Variants in KIF1A observed in about 807,000 individuals in gnomAD.
KIF1A encodes the protein kinesin family member 1A, also known as kinesin-like protein KIF1A.
A neutral mutation model predicts 227.3 loss-of-function variants in KIF1A; 46 were observed. That is an observed-to-expected ratio of 0.20 (90% CI 0.16 to 0.26). The LOEUF is 0.26. Among genes scored for constraint, KIF1A ranks in the 10% least tolerant of loss-of-function variants. The probability of loss-of-function intolerance (pLI) is 1.00; values close to 1 mark genes in which losing one functional copy is unlikely to be tolerated. For synonymous variants in KIF1A, 1,022 were observed against 1,012.8 expected (o/e 1.01, Z -0.17); for missense variants, 1,683 against 2,485.9 (o/e 0.68, Z 6.87).
intron 16 of KIF1A, 141 bp from the exon 17 acceptor site, chr2:240,769,349 G>GT: frequency 1.4e-6 from 1 of 717,538 alleles, no homozygotes; most frequent in Non-Finnish European, 2.3e-6. Flanking sequence ...TGGTCACTGG[G>GT]TTAGGGCATC....
At chr2:240,804,132 G>C (rs1307958114) in intron 1 of KIF1A, among the ~76,000 whole-genome samples, 12 of 152,132 alleles carry the variant, frequency 7.9e-5, no homozygotes, top group South Asian at 6.2e-4. Flanking sequence ...TGGGTGTGGT[G>C]GTGGGCACCT....
At chr2:240,800,962 G>A (rs1014865520) in intron 1 of KIF1A, among the ~76,000 whole-genome samples, 2 of 151,640 alleles carry the variant, frequency 1.3e-5, no homozygotes, top group African/African-American at 2.4e-5. Flanking sequence ...GGCTGCCTGG[G>A]AGAGAAAATG....
At chr2:240,777,482 C>T (rs1367176449) in intron 10 of KIF1A, among the ~76,000 whole-genome samples, 1 of 152,162 alleles carries the variant, frequency 6.6e-6, no homozygotes, top group Admixed American at 6.5e-5. Context: ...TTTCCTGCTC[C>T]CTCACCGCCT....
At chr2:240,720,084 G>A (rs896037900) in intron 45 of KIF1A, 158 bp from the exon 46 acceptor site, 50 of 607,410 alleles carry the variant, frequency 8.2e-5, no homozygotes, top group Non-Finnish European at 1.0e-4. Context: ...CCCGGGGCCC[G>A]TCCACCAGGA....
rs576969155 is a variant in KIF1A at position 240,812,102 on chromosome 2, G to A, written c.-61+8020C>T. Among the ~76,000 whole-genome samples, 224 of 152,332 alleles carry A rather than the reference G, an allele frequency of 1.5e-3. 1 individual carries two copies. The highest frequency in any genetic ancestry group is 3.8e-3 in the African/African-American group (157 of 41,576). On this transcript the variant is annotated intron_variant, in intron 1 of 48. Coordinates refer to ENST00000498729, the MANE Select transcript of KIF1A (RefSeq NM_001244008.2). ...AATGCATGCAGAAAACCCACTGGGC[G>A]CACCGGGCCACGCCCCGCAAGTCAC... is the stretch of plus-strand genomic sequence containing the variant.
chr2:240,779,941 C>T (rs2053405776), intron 10 of KIF1A, among the ~76,000 whole-genome samples: 1 of 152,166 alleles, frequency 6.6e-6, no homozygotes, highest in East Asian at 1.9e-4. Context: ...TTTCAAACAG[C>T]TCTCCACAGC....
At chr2:240,770,625 A>G (rs2051828485) in intron 15 of KIF1A, among the ~76,000 whole-genome samples, 1 of 152,214 alleles carries the variant, frequency 6.6e-6, no homozygotes, top group Non-Finnish European at 1.5e-5. Context: ...AGTCCTGGAC[A>G]TTCATTCTTG....
At chr2:240,819,319 G>A (rs972097280) in intron 1 of KIF1A, among the ~76,000 whole-genome samples, 24 of 152,184 alleles carry the variant, frequency 1.6e-4, no homozygotes, top group African/African-American at 5.8e-4. Flanking sequence ...CTGCGGCCCC[G>A]CAGCCCCTCC....
At position 240,790,852 on chromosome 2, in the gene KIF1A, C is replaced by G. The variant is rs1425459699; in HGVS notation, c.107-1540G>C. Among the ~76,000 whole-genome samples, 2 of 152,158 alleles carry G rather than the reference C, an allele frequency of 1.3e-5. No individual in the cohort carries two copies. Among genetic ancestry groups the G allele is most frequent in the Non-Finnish European group, 2.9e-5 (2 of 68,028 alleles). ...CCTCATGGCTCAGGAGCAGCCACCT[C>G]TGCCACCACCTTGATCTCAGACTTC... is the stretch of plus-strand genomic sequence containing the variant. On this transcript the variant is annotated intron_variant, in intron 2 of 48. Coordinates refer to ENST00000498729, the MANE Select transcript of KIF1A (RefSeq NM_001244008.2). The surrounding 1 kb of genome is among the most constrained non-coding windows in gnomAD (Gnocchi z 5.0).
At chr2:240,799,589 G>T (rs772747308) in intron 1 of KIF1A, among the ~76,000 whole-genome samples, 1 of 152,208 alleles carries the variant, frequency 6.6e-6, no homozygotes, top group Non-Finnish European at 1.5e-5. Flanking sequence ...CAGCGTGGAC[G>T]GGGGGATGAC....
At position 240,791,331 on chromosome 2, in the gene KIF1A, C is replaced by CA. The variant is rs1297007485; in HGVS notation, c.107-2020dup. On this transcript the variant is annotated intron_variant, in intron 2 of 48. Coordinates refer to ENST00000498729, the MANE Select transcript of KIF1A (RefSeq NM_001244008.2). Reference sequence around the variant, plus strand: ...GCCCGGCTGGGCCTCCCAGCTCTGACACAGAGGCCTGGGGCCCCTTGCTCA... The same window carrying CA: ...GCCCGGCTGGGCCTCCCAGCTCTGACAACAGAGGCCTGGGGCCCCTTGCTCA... 2.0e-5 allele frequency among the ~76,000 whole-genome samples: 3 copies of CA among 152,138 alleles called. No individual in the cohort carries two copies. The East Asian group carries it at 5.8e-4, about 29-fold the overall frequency.
chr2:240,762,524 G>A (rs1214649523), intron 23 of KIF1A, among the ~76,000 whole-genome samples, 195 bp downstream of exon 23: 1 of 152,230 alleles, frequency 6.6e-6, no homozygotes, highest in Admixed American at 6.5e-5. Context: ...CTTGCCAGCT[G>A]TGGCACAGTA....
chr2:240,723,191 AGCATGCCTCTGTGC>A (rs2045616435), intron 42 of KIF1A, among the ~76,000 whole-genome samples: 1 of 152,124 alleles, frequency 6.6e-6, no homozygotes, highest in South Asian at 2.1e-4. Context: ...CTAATTCCAG[AGCATGCCTCTGTGC>A]TACACTGGCC....
chr2:240,777,504 C>G (rs985900029), intron 10 of KIF1A, among the ~76,000 whole-genome samples: 3 of 152,178 alleles, frequency 2.0e-5, no homozygotes, highest in African/African-American at 7.2e-5. Context: ...CCTGTCCAGT[C>G]GTGCTCTGCC....
chr2:240,801,555 G>T (rs568036857), intron 1 of KIF1A, among the ~76,000 whole-genome samples: 1 of 152,216 alleles, frequency 6.6e-6, no homozygotes, highest in Non-Finnish European at 1.5e-5. Context: ...AATGGAATGG[G>T]GGTGCCATGG....
intron 28 of KIF1A, 21 bp downstream of exon 28, chr2:240,750,408 C>G: frequency 1.3e-6 from 2 of 1,574,752 alleles, no homozygotes; most frequent in Middle Eastern, 1.7e-4. Flanking sequence ...ATGCCACACA[C>G]GGCCTTTGGC....
chr2:240,774,391 A>ACCCCCCCCCCC (rs570956380), intron 11 of KIF1A, 130 bp from the exon 12 acceptor site: 4 of 253,670 alleles, frequency 1.6e-5, no homozygotes, highest in African/African-American at 4.0e-5. Context: ...TCACAGGCTT[A>ACCCCCCCCCCC]CCCCCCCCCC....
intron 6 of KIF1A, among the ~76,000 whole-genome samples, chr2:240,785,460 C>G (rs1171919538): frequency 6.6e-6 from 1 of 152,234 alleles, no homozygotes; most frequent in Non-Finnish European, 1.5e-5. Flanking sequence ...ACTGTCCACC[C>G]TACCACGGCC....
chr2:240,774,073 C>T (rs947412842), intron 12 of KIF1A, 110 bp downstream of exon 12: 26 of 664,518 alleles, frequency 3.9e-5, no homozygotes, highest in African/African-American at 3.8e-4. Flanking sequence ...GGGTATACCC[C>T]TCACAAAGAG....
Sources: allele counts gnomAD v4.1 joint callset (sites outside exome capture counted in the v4.1 genomes callset), GRCh38; gene constraint gnomAD v4.1.1; non-coding constraint Gnocchi (gnomAD v3.1); transcripts MANE v1.5; gene names NCBI Gene and HGNC (gene_info 2026-07-23, HGNC 2026-07-21).